Variants in RLF observed in about 807,000 individuals in gnomAD.
The protein encoded by RLF is RLF zinc finger.
A neutral mutation model predicts 162.9 loss-of-function variants in RLF; 7 were observed. The ratio of observed to expected loss-of-function variants is 0.04; its 90% confidence interval spans 0.02 to 0.08. The LOEUF (loss-of-function observed/expected upper bound fraction) is 0.08. Ranked by LOEUF, RLF falls within the 10% of genes least tolerant of loss-of-function variation. The pLI, the probability that RLF is intolerant of heterozygous loss-of-function variation, is 1.00. For missense variants in RLF, 1,664 were observed against 2,244.7 expected (o/e 0.74, Z 5.23); for synonymous variants, 782 against 791.5 (o/e 0.99, Z 0.20).
rs1332993181 is a variant in RLF, at chr1:40,236,945, A to G, written c.2243A>G (p.Asp748Gly). The G allele has an allele frequency of 3.1e-6, 5 of 1,614,064 alleles. No individual in the cohort carries two copies. The highest frequency in any genetic ancestry group is 4.2e-6 in the Non-Finnish European group (5 of 1,180,018). ...GPQPYMCVSI[D>G]CYARFGSVNE... ...CAGCCTTATATGTGTGTATCTATAG[A>G]TTGCTATGCTAGGTTTGGATCAGTA... The change falls in exon 8 of 8, where the codon GAT becomes GGT. Residue 748 changes from aspartate (D) to glycine (G), a missense_variant. By Grantham distance (94) the Asp-to-Gly change is moderately conservative. Coordinates refer to ENST00000372771, the MANE Select transcript of RLF (RefSeq NM_012421.4). The surrounding 1 kb of genome is among the most constrained non-coding windows in gnomAD (Gnocchi z 7.7).
chr1:40,204,942 A>G (rs1642769061), intron 5 of RLF, among the ~76,000 whole-genome samples: 2 of 152,220 alleles, frequency 1.3e-5, no homozygotes, highest in African/African-American at 4.8e-5. Context: ...ACCAGCATCT[A>G]TGAATGTACA....
At chr1:40,178,119 A>G (rs1471469274) in intron 1 of RLF, among the ~76,000 whole-genome samples, 2 of 152,016 alleles carry the variant, frequency 1.3e-5, no homozygotes, top group Non-Finnish European at 2.9e-5. Flanking sequence ...TTATATAAAT[A>G]TATCTATAGC....
chr1:40,226,570 C>T (rs527264880), intron 6 of RLF, among the ~76,000 whole-genome samples: 90 of 152,246 alleles, frequency 5.9e-4, no homozygotes, highest in Admixed American at 1.1e-3. Context: ...GTCTAATTCA[C>T]GGTTGTGTCC....
At chr1:40,226,423 G>A (rs1643076325) in intron 6 of RLF, among the ~76,000 whole-genome samples, 1 of 152,182 alleles carries the variant, frequency 6.6e-6, no homozygotes, top group African/African-American at 2.4e-5. Flanking sequence ...TAAGCTTTCA[G>A]TGAGTATTTG....
At chr1:40,213,966 T>C (rs184385774) in intron 5 of RLF, among the ~76,000 whole-genome samples, 2 of 152,370 alleles carry the variant, frequency 1.3e-5, no homozygotes, top group Admixed American at 1.3e-4. Context: ...ATGCCTGTTA[T>C]TACTGTTGTT....
intron 6 of RLF, among the ~76,000 whole-genome samples, chr1:40,230,657 T>C (rs1426936732): frequency 3.9e-5 from 6 of 152,182 alleles, no homozygotes; most frequent in Non-Finnish European, 8.8e-5. Flanking sequence ...GGTTTCGAAC[T>C]CCTGACCTCA....
rs59980316 is a variant in RLF, at chr1:40,224,578, C to CT, written c.947+1890dup. ...CGTGAGCCACTGCGCCTGGCCACAT[C>CT]TTTTTTTTTTTTTTTTTTTTTTCCC... On this transcript the variant is annotated intron_variant, in intron 6 of 7. Coordinates refer to ENST00000372771, the MANE Select transcript of RLF (RefSeq NM_012421.4). Among the ~76,000 whole-genome samples the CT allele has an allele frequency of 5.5e-3, 224 of 40,440 alleles. 3 individuals are homozygous for CT. The highest frequency in any genetic ancestry group is 0.031 in the Middle Eastern group (1 of 32). 26.5% of individuals were successfully genotyped at this position (40,440 alleles called of 152,430 possible). A position where few individuals can be genotyped will look rare whatever the true frequency, so the allele number is the denominator to read the frequency against.
At chr1:40,188,045 G>T (rs750297487) in intron 1 of RLF, among the ~76,000 whole-genome samples, 44 of 152,292 alleles carry the variant, frequency 2.9e-4, no homozygotes, top group Non-Finnish European at 2.8e-4. Context: ...GTGTATTCCA[G>T]GGAGAAGGCT....
At chr1:40,171,869 T>TA (rs1216799912) in intron 1 of RLF, among the ~76,000 whole-genome samples, 1 of 152,198 alleles carries the variant, frequency 6.6e-6, no homozygotes, top group African/African-American at 2.4e-5. Flanking sequence ...TATACACTCT[T>TA]ATGTATTCCA....
In RLF at chr1:40,190,788, C is replaced by G. The variant is rs1377560593; in HGVS notation, c.409C>G (p.Leu137Val). Residue 137 changes from leucine (L) to valine (V), a missense_variant, in exon 3 of 8, where the codon CTG (leucine) becomes GTG (valine). This residue lies in a region of RLF where 287 missense variants were observed against 404.9 expected (regional missense o/e 0.71). Coordinates refer to ENST00000372771, the MANE Select transcript of RLF (RefSeq NM_012421.4). ...TTATTGTAGGAGTTGTTTCGAATTA[C>G]TGCTTTCAGTGTCTGAAAGTGAACT... ...GRLVLSCFEL[L>V]LSVSESELPC... The G allele has an allele frequency of 6.2e-7, 1 of 1,610,344 alleles. No individual in the cohort carries two copies. Among genetic ancestry groups the G allele is most frequent in the Non-Finnish European group, 8.5e-7 (1 of 1,177,258 alleles).
intron 7 of RLF, among the ~76,000 whole-genome samples, chr1:40,231,917 A>G (rs779963074): frequency 2.6e-5 from 4 of 152,132 alleles, no homozygotes; most frequent in South Asian, 2.1e-4. Context: ...CGTTAAGAAC[A>G]TTTTAAGAGG....
At chr1:40,229,744 C>T (rs765882784) in intron 6 of RLF, among the ~76,000 whole-genome samples, 7 of 151,970 alleles carry the variant, frequency 4.6e-5, no homozygotes, top group Non-Finnish European at 1.0e-4. Flanking sequence ...TGAGACACCA[C>T]GCCCGGCCAG....
At chr1:40,167,154 A>T (rs534014309) in intron 1 of RLF, among the ~76,000 whole-genome samples, 436 of 152,242 alleles carry the variant, frequency 2.9e-3, no homozygotes, top group African/African-American at 0.01. Flanking sequence ...GAGAGAGAAA[A>T]TGAGAGGCCT....
intron 6 of RLF, among the ~76,000 whole-genome samples, chr1:40,226,042 C>A (rs562490541): frequency 1.3e-5 from 2 of 152,142 alleles, no homozygotes; most frequent in Middle Eastern, 3.4e-3. Flanking sequence ...CACAATGAGA[C>A]CCTGTCTCAA....
intron 6 of RLF, among the ~76,000 whole-genome samples, chr1:40,231,298 T>G (rs762660602): frequency 2.6e-5 from 4 of 152,142 alleles, no homozygotes; most frequent in Non-Finnish European, 5.9e-5. Flanking sequence ...TTTTTATTTT[T>G]CCCCCTAAAC....
At chr1:40,232,798 T>A (rs994567585) in intron 7 of RLF, among the ~76,000 whole-genome samples, 1 of 152,124 alleles carries the variant, frequency 6.6e-6, no homozygotes, top group African/African-American at 2.4e-5. Context: ...TCAAACTCCT[T>A]GGCTCAAGCA....
intron 3 of RLF, among the ~76,000 whole-genome samples, chr1:40,191,921 C>T (rs1023131383): frequency 3.3e-5 from 5 of 152,204 alleles, no homozygotes; most frequent in African/African-American, 1.2e-4. Context: ...GACAAAGTTA[C>T]ACACAGATTT....
intron 4 of RLF, among the ~76,000 whole-genome samples, chr1:40,199,196 G>A (rs1642677313): frequency 6.6e-6 from 1 of 152,204 alleles, no homozygotes; most frequent in South Asian, 2.1e-4. Context: ...TTTTTGATTG[G>A]AGAGTGATGA....
intron 1 of RLF, among the ~76,000 whole-genome samples, chr1:40,181,123 A>G (rs1023169523): frequency 6.6e-6 from 1 of 152,218 alleles, no homozygotes; most frequent in African/African-American, 2.4e-5. Context: ...TTTTCCTAAC[A>G]TTGTTGAATG....
Sources: gnomAD v4.1 joint callset for allele counts (sites outside exome capture counted in the v4.1 genomes callset) on GRCh38, gnomAD v4.1.1 for gene constraint, gnomAD v4.1.1 regional missense constraint, Gnocchi (gnomAD v3.1) non-coding constraint, MANE v1.5 for transcripts, NCBI Gene and HGNC (gene_info 2026-07-23, HGNC 2026-07-21) for gene names.